Variants in PRH1 observed in about 807,000 individuals in gnomAD.
PRH1 encodes salivary acidic proline-rich phosphoprotein 1/2.
PRH1 carries 7 observed loss-of-function variants against 7.9 expected under a neutral mutation model. That is an observed-to-expected ratio of 0.89 (90% confidence interval 0.50 to 1.67). The LOEUF is 1.67. Among genes scored for constraint, PRH1 ranks in the 40% most tolerant of loss-of-function variants. The pLI, the probability that PRH1 is intolerant of heterozygous loss-of-function variation, is 0.00. For synonymous variants in PRH1, 45 were observed against 80.8 expected (o/e 0.56, Z 2.38); for missense variants, 109 against 223.6 (o/e 0.49, Z 3.27).
chr12:11,158,756 T>C (rs1023123865), intron 1 of PRH1: 4 of 152,160 alleles, frequency 2.6e-5, no homozygotes, highest in Non-Finnish European at 5.9e-5. Context: ...CTTTCATAGA[T>C]GCAGAAAGTT....
chr12:10,980,204 C>A (rs1939288124), intron 1 of PRH1, among the ~76,000 whole-genome samples: 2 of 152,106 alleles, frequency 1.3e-5, no homozygotes, highest in South Asian at 4.1e-4. Context: ...ATTCATTGAT[C>A]ATGGAGCAAA....
chr12:10,906,613 T>C (rs1277870165), intron 2 of PRH1, among the ~76,000 whole-genome samples: 3 of 152,194 alleles, frequency 2.0e-5, no homozygotes, highest in Non-Finnish European at 4.4e-5. Flanking sequence ...GTTTCCCCCA[T>C]ACTGTTCTCA....
chr12:11,169,155 C>A (rs2416544), intron 1 of PRH1, among the ~76,000 whole-genome samples: 69,185 of 152,000 alleles, frequency 0.46, 16,540 homozygotes, highest in Non-Finnish European at 0.53. Context: ...TTAATCTGTA[C>A]AATCAAGCCA....
chr12:11,133,954 C>T, intron 1 of PRH1: 3 of 1,614,080 alleles, frequency 1.9e-6, no homozygotes, highest in Non-Finnish European at 2.5e-6. Flanking sequence ...TAGTAGCAAG[C>T]CAGCTGCTGA....
At chr12:11,067,464 C>G (rs1943874374) in intron 1 of PRH1, among the ~76,000 whole-genome samples, 1 of 152,116 alleles carries the variant, frequency 6.6e-6, no homozygotes, top group Non-Finnish European at 1.5e-5. Flanking sequence ...AGGTGTTTAG[C>G]TGTCATAAAT....
At chr12:11,111,145 T>G (rs2600343) in intron 1 of PRH1, among the ~76,000 whole-genome samples, 69,213 of 152,076 alleles carry the variant, frequency 0.46, 16,563 homozygotes, top group Non-Finnish European at 0.53. Context: ...GCACCCAGAT[T>G]CATAAAGCAA....
chr12:11,107,516 A>G (rs1008790124), intron 1 of PRH1, among the ~76,000 whole-genome samples: 2 of 152,226 alleles, frequency 1.3e-5, no homozygotes, highest in African/African-American at 4.8e-5. Flanking sequence ...AAATCCCAGC[A>G]GATGTTTTAT....
At position 11,134,112 on chromosome 12, in the gene PRH1, C is replaced by T. The variant is rs1946475037; in HGVS notation, n.40-12932G>A. ...ACCGCCAGAGCAGTGAGAATTTGGT[C>T]AACAAAGGAGATCTTTTGTCTCTTG... is the stretch of plus-strand genomic sequence containing the variant. On this transcript the variant is annotated intron_variant and non_coding_transcript_variant, in intron 1 of 1. Coordinates refer to the PRH1 transcript ENST00000541175. 6 of 1,613,990 alleles carry T rather than the reference C, an allele frequency of 3.7e-6. No individual in the cohort carries two copies. In the Admixed American group the frequency reaches 6.7e-5, roughly 18 times the overall value.
At chr12:11,035,811 T>C (rs1164208195) in intron 1 of PRH1, among the ~76,000 whole-genome samples, 3 of 152,168 alleles carry the variant, frequency 2.0e-5, no homozygotes, top group Non-Finnish European at 2.9e-5. Context: ...GATCTCAAAA[T>C]GTCATTAAAA....
chr12:10,910,244 T>C (rs1949876631), intron 2 of PRH1, among the ~76,000 whole-genome samples: 1 of 152,110 alleles, frequency 6.6e-6, no homozygotes, highest in African/African-American at 2.4e-5. Flanking sequence ...CACCTACCTA[T>C]GATAAAGTTT....
intron 1 of PRH1, among the ~76,000 whole-genome samples, chr12:10,883,674 T>A (rs537703072): frequency 6.6e-6 from 1 of 152,200 alleles, no homozygotes; most frequent in Non-Finnish European, 1.5e-5. Flanking sequence ...AAAATGACAA[T>A]GTTTCACTCT....
chr12:11,032,798 G>T (rs1410844288), intron 1 of PRH1, among the ~76,000 whole-genome samples: 1 of 152,090 alleles, frequency 6.6e-6, no homozygotes, highest in Admixed American at 6.5e-5. Flanking sequence ...CCTATCACAG[G>T]AAGACTGACT....
chr12:11,062,041 T>G lies in PRH1; in HGVS notation n.124-14853A>C, dbSNP rs191209206. On this transcript the variant is annotated intron_variant and non_coding_transcript_variant, in intron 1 of 4. Coordinates refer to the PRH1 transcript ENST00000541977. ...ATGGTTGATTACTGCCCAGACATTG[T>G]AAGCAGTAATTCTTACTTCTATACT... is the stretch of plus-strand genomic sequence containing the variant. The G allele has an allele frequency of 1.0e-4, 162 of 1,612,782 alleles. No individual in the cohort carries two copies. In the East Asian group the frequency reaches 3.3e-3, roughly 32 times the overall value.
chr12:10,899,795 GAAT>G (rs1949699206), intron 2 of PRH1, among the ~76,000 whole-genome samples: 1 of 151,994 alleles, frequency 6.6e-6, no homozygotes, highest in Non-Finnish European at 1.5e-5. Context: ...AGAAATTGAG[GAAT>G]AATATTTATA....
At chr12:11,159,317 C>A in intron 1 of PRH1, 2 of 127,004 alleles carry the variant, frequency 1.6e-5, no homozygotes, top group Non-Finnish European at 1.7e-5. Context: ...CCACTCTGTT[C>A]ATTCTCCACT....
intron 1 of PRH1, among the ~76,000 whole-genome samples, chr12:11,040,338 T>A (rs947035653): frequency 1.3e-5 from 2 of 152,248 alleles, no homozygotes; most frequent in Non-Finnish European, 2.9e-5. Flanking sequence ...CACATAGCTA[T>A]GCTCTGAGAC....
chr12:11,099,356 G>T (rs1354251215), intron 1 of PRH1, among the ~76,000 whole-genome samples: 1 of 146,160 alleles, frequency 6.8e-6, no homozygotes, highest in Non-Finnish European at 1.5e-5. Flanking sequence ...AGACTAAATT[G>T]GCCAAACTCT....
At chr12:11,031,615 C>G (rs1254536594) in intron 1 of PRH1, among the ~76,000 whole-genome samples, 1 of 152,034 alleles carries the variant, frequency 6.6e-6, no homozygotes, top group East Asian at 1.9e-4. Flanking sequence ...TGTCCCCTCC[C>G]ATTTTCCTTT....
intron 1 of PRH1, among the ~76,000 whole-genome samples, chr12:11,153,162 T>C (rs547503571): frequency 9.9e-5 from 15 of 152,172 alleles, no homozygotes; most frequent in Non-Finnish European, 2.2e-4. Context: ...AACATTTTAG[T>C]GAACATAAGT....
Sources: allele counts gnomAD v4.1 joint callset (sites outside exome capture counted in the v4.1 genomes callset), GRCh38; gene constraint gnomAD v4.1.1; transcripts MANE v1.5; gene names NCBI Gene and HGNC (gene_info 2026-07-23, HGNC 2026-07-21).